The following CIMIP2A variants were observed in gnomAD, a reference collection of about 807,000 sequenced individuals.
CIMIP2A encodes the protein family with sequence similarity 166 member A.
the CIMIP2A span, chr9:137,243,840 A>G: frequency 5.1e-6 from 8 of 1,571,964 alleles, no homozygotes; most frequent in Admixed American, 1.7e-5. Context: ...CAGGACCAGC[A>G]TGGGCTGGAC....
At chr9:137,252,637 C>T in the CIMIP2A span, 1 of 1,458,704 alleles carries the variant, frequency 6.9e-7, no homozygotes. Context: ...CCCTGCCCTG[C>T]AGCCCGTCTC....
the CIMIP2A span, chr9:137,253,481 C>A: frequency 3.5e-6 from 5 of 1,432,688 alleles, no homozygotes; most frequent in South Asian, 1.5e-5. Context: ...TTGGTTTTCC[C>A]GAGCTCTGTG....
chr9:137,244,933 A>G, the CIMIP2A span: 2 of 1,600,384 alleles, frequency 1.2e-6, no homozygotes. Context: ...GGGCTCCTGG[A>G]AGCAGCTGGG....
At chr9:137,251,984 T>G in the CIMIP2A span, 1 of 1,607,082 alleles carries the variant, frequency 6.2e-7, no homozygotes, top group Non-Finnish European at 8.5e-7. Context: ...GGCCCAGAGC[T>G]TGCTTCCTGT....
At chr9:137,244,278 C>T in the CIMIP2A span, 3 of 1,613,580 alleles carry the variant, frequency 1.9e-6, no homozygotes, top group African/African-American at 1.3e-5. Context: ...GTGGGGGTTT[C>T]TAAACAGGAA....
the CIMIP2A span, among the ~76,000 whole-genome samples, chr9:137,249,109 G>A: frequency 6.6e-6 from 1 of 151,862 alleles, no homozygotes; most frequent in South Asian, 2.1e-4. Context: ...GCCCACCTCG[G>A]CCTCCCAAAG....
the CIMIP2A span, chr9:137,252,726 G>A: frequency 6.4e-7 from 1 of 1,554,700 alleles, no homozygotes; most frequent in South Asian, 1.2e-5. Flanking sequence ...AGCTTCAGAG[G>A]CTGCCACTCC....
chr9:137,252,898 G>T, the CIMIP2A span: 1 of 1,597,564 alleles, frequency 6.3e-7, no homozygotes, highest in Non-Finnish European at 8.5e-7. Context: ...GGAGCCGCCT[G>T]CAGAGCCCCC....
chr9:137,253,304 G>C, the CIMIP2A span: 107 of 1,563,218 alleles, frequency 6.8e-5, no homozygotes, highest in Non-Finnish European at 7.2e-5. Flanking sequence ...GCCTCCCCCG[G>C]GGCTTTCCCA....
chr9:137,250,320 C>G, the CIMIP2A span: 1 of 152,352 alleles, frequency 6.6e-6, no homozygotes, highest in Non-Finnish European at 1.5e-5. Flanking sequence ...TAGCAAAGTA[C>G]ACTCTGTTCC....
the CIMIP2A span, chr9:137,244,935 G>A: frequency 1.2e-6 from 2 of 1,600,554 alleles, no homozygotes; most frequent in Non-Finnish European, 1.7e-6. Flanking sequence ...GCTCCTGGAA[G>A]CAGCTGGGAG....
chr9:137,247,200 G>A, the CIMIP2A span, among the ~76,000 whole-genome samples: 4 of 152,174 alleles, frequency 2.6e-5, no homozygotes, highest in African/African-American at 9.7e-5. Context: ...CAGGAGAATC[G>A]CTTGAACCTG....
At chr9:137,247,847 C>T in the CIMIP2A span, 595,077 of 822,130 alleles carry the variant, frequency 0.72, 217,716 homozygotes, top group Admixed American at 0.79. Context: ...CAGGCCACCT[C>T]GCTAACCCTG....
chr9:137,251,177 C>G, the CIMIP2A span: 1 of 868,958 alleles, frequency 1.2e-6, no homozygotes, highest in Non-Finnish European at 2.0e-6. Flanking sequence ...GGGGCAGCCC[C>G]TCCAGGGCCA....
chr9:137,245,176 G>A, the CIMIP2A span: 26 of 1,261,198 alleles, frequency 2.1e-5, no homozygotes, highest in African/African-American at 1.4e-4. Context: ...TCCTGCTGGC[G>A]GCGGGCGGGG....
chr9:137,243,934 T>G, the CIMIP2A span: 1 of 1,012,486 alleles, frequency 9.9e-7, no homozygotes, highest in Non-Finnish European at 1.5e-6. Context: ...GGCAGGCCTG[T>G]CCTGTTCCAG....
At chr9:137,248,642 G>T in the CIMIP2A span, among the ~76,000 whole-genome samples, 1 of 152,118 alleles carries the variant, frequency 6.6e-6, no homozygotes, top group Non-Finnish European at 1.5e-5. Flanking sequence ...GATGAGGTGT[G>T]CAGATTGCTT....
the CIMIP2A span, among the ~76,000 whole-genome samples, chr9:137,249,083 C>T: frequency 6.6e-6 from 1 of 151,654 alleles, no homozygotes; most frequent in Non-Finnish European, 1.5e-5. Context: ...GTCTCGAACT[C>T]CTGACCTCGT....
At chr9:137,254,614 C>A in the CIMIP2A span, among the ~76,000 whole-genome samples, 9 of 152,236 alleles carry the variant, frequency 5.9e-5, no homozygotes, top group Non-Finnish European at 1.5e-5. Flanking sequence ...GCAGCGGAGA[C>A]CGAAAAGAGA....
Sources: gnomAD v4.1 joint callset for allele counts (sites outside exome capture counted in the v4.1 genomes callset) on GRCh38, gnomAD v4.1.1 for gene constraint, MANE v1.5 for transcripts, NCBI Gene and HGNC (gene_info 2026-07-23, HGNC 2026-07-21) for gene names.